Variants in GUCY2F observed in about 807,000 individuals in gnomAD.
GUCY2F encodes guanylate cyclase 2F, retinal.
Under a neutral mutation model 73.1 loss-of-function variants are expected in GUCY2F, and 61 were observed. That is an observed-to-expected ratio of 0.83 (90% CI 0.68 to 1.03). The LOEUF (loss-of-function observed/expected upper bound fraction) is 1.03. Among genes scored for constraint, GUCY2F ranks in the 50% least tolerant of loss-of-function variants. The pLI is 0.00. For missense variants in GUCY2F, 912 were observed against 854.3 expected (o/e 1.07, Z -0.84); for synonymous variants, 331 against 307.8 (o/e 1.08, Z -0.79).
At chrX:109,477,514 T>C (rs1603386947) in intron 1 of GUCY2F, among the ~76,000 whole-genome samples, 1 of 112,314 alleles carries the variant, frequency 8.9e-6, no homozygotes, top group South Asian at 3.7e-4. Context: ...ATAAGAGTTA[T>C]AAATTTGAGT....
intron 2 of GUCY2F, among the ~76,000 whole-genome samples, chrX:109,469,780 T>G (rs895188282): frequency 9.0e-6 from 1 of 111,420 alleles, no homozygotes; most frequent in East Asian, 2.8e-4. Flanking sequence ...CCACCCAGCC[T>G]AATAAATGGC....
At chrX:109,454,218 A>G (rs1932207726) in intron 3 of GUCY2F, among the ~76,000 whole-genome samples, 1 of 112,153 alleles carries the variant, frequency 8.9e-6, no homozygotes, top group African/African-American at 3.2e-5. Context: ...TAAATATGCC[A>G]GGTTAATTAC....
In GUCY2F at chrX:109,475,979, G is replaced by A. The variant is rs369292209; in HGVS notation, c.-43C>T. ...CAAGCTAATGACGAGATACTGGAGA[G>A]TTATTCTGCTTTCCCGACACAGACG... On this transcript the variant is annotated 5_prime_UTR_variant, in exon 2 of 20. Transcript: ENST00000218006. 4.5e-6 allele frequency: 5 copies of A among 1,123,340 alleles called. No homozygotes were observed. The highest frequency in any genetic ancestry group is 5.9e-6 in the Non-Finnish European group (5 of 843,966). The allele number at this position is 1,123,340 out of a possible 1,213,427, so 92.6% of individuals were successfully genotyped here.
Position 109,448,144 on chromosome X carries a change from C to G in GUCY2F, c.1494G>C (p.Gln498His), listed in dbSNP as rs752234770. The G allele has an allele frequency of 3.8e-5, 42 of 1,092,484 alleles. No individual in the cohort carries two copies. Among genetic ancestry groups the G allele is most frequent in the Non-Finnish European group, 5.2e-5 (41 of 788,989 alleles). 90.0% of individuals were successfully genotyped at this position (1,092,484 alleles called of 1,213,427 possible). The stretch of plus-strand genomic sequence containing the variant: ...GAATTCTATTGGGTCCTTTGATCAA[C>G]TGGATTTTATTTATACGACGCCTAA... ...YFIRRRINKI[Q>H]LIKGPNRILL... Residue 498 changes from glutamine to histidine, a missense_variant, in exon 6 of 20, where the codon CAG becomes CAC. Gln to His is a conservative substitution (Grantham distance 24). Transcript: ENST00000218006.
In GUCY2F at chrX:109,385,469, A is replaced by T. The variant is rs920595902; in HGVS notation, c.2957-187T>A. ...TTGCCCTACAAGAAAGCAAATTTATAACAATGCAGACATGACTGCCCTTCT... is the reference window on the plus strand; with the variant it reads ...TTGCCCTACAAGAAAGCAAATTTATTACAATGCAGACATGACTGCCCTTCT... On this transcript the variant is annotated intron_variant, in intron 15 of 19. Coordinates refer to ENST00000218006, the MANE Select transcript of GUCY2F (RefSeq NM_001522.3). Among the ~76,000 whole-genome samples, 26 of 112,658 alleles carry T rather than the reference A, an allele frequency of 2.3e-4. 1 individual carries two copies. The highest frequency in any genetic ancestry group is 8.4e-4 in the African/African-American group (26 of 31,024).
intron 16 of GUCY2F, among the ~76,000 whole-genome samples, chrX:109,382,668 G>A (rs189535401): frequency 5.8e-4 from 65 of 112,135 alleles, no homozygotes; most frequent in African/African-American, 2.0e-3. Flanking sequence ...TCTCAACATT[G>A]CTACACTTAA....
At chrX:109,399,414 CAAAGTT>C (rs1328608639) in intron 10 of GUCY2F, among the ~76,000 whole-genome samples, 1 of 112,248 alleles carries the variant, frequency 8.9e-6, no homozygotes, top group Non-Finnish European at 1.9e-5. Context: ...CATTAAAGGT[CAAAGTT>C]AAACACCCAT....
chrX:109,391,590 T>C (rs1186181900), intron 14 of GUCY2F, among the ~76,000 whole-genome samples: 5 of 111,777 alleles, frequency 4.5e-5, no homozygotes, highest in Non-Finnish European at 9.4e-5. Context: ...GCCTACACTA[T>C]TAGTACTCAG....
chrX:109,421,449 C>A (rs1436629231), intron 8 of GUCY2F, among the ~76,000 whole-genome samples: 2 of 111,220 alleles, frequency 1.8e-5, no homozygotes, highest in Non-Finnish European at 3.8e-5. Flanking sequence ...CATGAATGAA[C>A]CTTGAGGACA....
intron 3 of GUCY2F, among the ~76,000 whole-genome samples, chrX:109,454,943 C>T (rs1163823749): frequency 9.0e-6 from 1 of 111,143 alleles, no homozygotes; most frequent in Non-Finnish European, 1.9e-5. Context: ...CCTGTAACAA[C>T]CTTCATGTGA....
intron 15 of GUCY2F, among the ~76,000 whole-genome samples, chrX:109,386,212 G>A (rs1040239909): frequency 1.8e-5 from 2 of 112,156 alleles, no homozygotes; most frequent in Non-Finnish European, 3.8e-5. Context: ...TACTATCAAA[G>A]AGGAAGCAAT....
intron 8 of GUCY2F, among the ~76,000 whole-genome samples, chrX:109,421,401 A>G (rs1931367944): frequency 9.0e-6 from 1 of 111,572 alleles, no homozygotes; most frequent in Admixed American, 9.5e-5. Flanking sequence ...ACTATTACTC[A>G]GCCTTAAAAA....
chrX:109,453,096 G>A (rs1042337279), intron 4 of GUCY2F, among the ~76,000 whole-genome samples: 2 of 111,553 alleles, frequency 1.8e-5, no homozygotes, highest in Non-Finnish European at 3.8e-5. Context: ...GTATAGGTAC[G>A]GTATTTCTGT....
intron 3 of GUCY2F, among the ~76,000 whole-genome samples, chrX:109,454,138 A>G (rs1932206055): frequency 8.9e-6 from 1 of 112,023 alleles, no homozygotes; most frequent in Non-Finnish European, 1.9e-5. Flanking sequence ...CTCCTAAACT[A>G]AGAAAATGAT....
intron 2 of GUCY2F, among the ~76,000 whole-genome samples, chrX:109,469,798 G>A (rs1932538413): frequency 9.0e-6 from 1 of 111,532 alleles, no homozygotes; most frequent in Non-Finnish European, 1.9e-5. Flanking sequence ...GGCTGTGTAA[G>A]AGGAAGGTGG....
intron 2 of GUCY2F, among the ~76,000 whole-genome samples, chrX:109,469,488 C>T (rs954792257): frequency 2.7e-5 from 3 of 109,811 alleles, no homozygotes; most frequent in African/African-American, 1.0e-4. Flanking sequence ...TAAAGGAGTC[C>T]TTAGGAGCCA....
chrX:109,463,539 G>A (rs997859112), intron 3 of GUCY2F, among the ~76,000 whole-genome samples: 1 of 104,735 alleles, frequency 9.5e-6, no homozygotes, highest in South Asian at 4.4e-4. Context: ...CTGGGTTCAC[G>A]CCATTCTCCT....
intron 3 of GUCY2F, among the ~76,000 whole-genome samples, chrX:109,455,457 C>T (rs986911159): frequency 2.6e-4 from 29 of 111,657 alleles, no homozygotes; most frequent in African/African-American, 8.5e-4. Flanking sequence ...GTTCACCTAC[C>T]TGAGCATAAA....
chrX:109,381,985 T>C, intron 17 of GUCY2F, 133 bp downstream of exon 17: 3 of 405,606 alleles, frequency 7.4e-6, no homozygotes, highest in Non-Finnish European at 1.3e-5. Flanking sequence ...GAACCCCAAA[T>C]GGGGCTGAAG....
Sources: gnomAD v4.1 joint callset for allele counts (sites outside exome capture counted in the v4.1 genomes callset) on GRCh38, gnomAD v4.1.1 for gene constraint, MANE v1.5 for transcripts, NCBI Gene and HGNC (gene_info 2026-07-23, HGNC 2026-07-21) for gene names.